The following ADAM11 variants were observed in gnomAD, a reference collection of about 807,000 sequenced individuals.
ADAM11 encodes the protein disintegrin and metalloproteinase domain-containing protein 11.
A neutral mutation model predicts 119.1 loss-of-function variants in ADAM11; 49 were observed. The ratio of observed to expected loss-of-function variants is 0.41; its 90% confidence interval spans 0.33 to 0.52. The LOEUF is 0.52. Among genes scored for constraint, ADAM11 ranks in the 20% least tolerant of loss-of-function variants. ADAM11 has a pLI of 0.20. For synonymous variants in ADAM11, 364 were observed against 408.0 expected, an observed-to-expected ratio of 0.89 and a Z score of 1.30; for missense variants, 777 against 1,047.5, an observed-to-expected ratio of 0.74 and a Z score of 3.56.
At chr17:44,774,457 T>G (rs780933979) in intron 12 of ADAM11, 35 bp from the exon 13 acceptor site, 4 of 1,607,286 alleles carry the variant, frequency 2.5e-6, no homozygotes, top group Non-Finnish European at 2.5e-6. Flanking sequence ...TGTTGGAAGA[T>G]GTAGACATCT....
Position 44,772,183 on chromosome 17 carries a change from G to T in ADAM11, c.544-84G>T. On this transcript the variant is annotated intron_variant, in intron 6 of 26. Transcript: ENST00000200557. The surrounding 1 kb of genome is among the most constrained non-coding windows in gnomAD (Gnocchi z 4.5). Reference sequence around the variant, plus strand: ...CTGGGTCACCCCAGGGTGGGGTGGAGGCGAGGGCTGGATCTGGCCCCCGCC... The same window carrying T: ...CTGGGTCACCCCAGGGTGGGGTGGATGCGAGGGCTGGATCTGGCCCCCGCC... The T allele has an allele frequency of 7.6e-7, 1 of 1,318,538 alleles. No homozygotes were observed. The highest frequency in any genetic ancestry group is 1.3e-5 in the South Asian group (1 of 75,834). 81.7% of individuals were successfully genotyped at this position (1,318,538 alleles called of 1,614,324 possible). A position where few individuals can be genotyped will look rare whatever the true frequency, so the allele number is the denominator to read the frequency against.
In ADAM11 at chr17:44,776,537, CGAGG is replaced by C. The variant is rs1242300751; in HGVS notation, c.1567-199_1567-196del. On this transcript the variant is annotated intron_variant, in intron 18 of 26. Transcript: ENST00000200557. This position sits in a 1 kb window ranked among gnomAD's most constrained non-coding sequence, Gnocchi z 5.2. The stretch of plus-strand genomic sequence containing the variant: ...GCCAGGCATTTATCTCCCAGCCCTA[CGAGG>C]GAGGGAGGCTGGAGCGGCTCTGGGG... 1.3e-5 allele frequency among the ~76,000 whole-genome samples: 2 copies of C among 152,124 alleles called. No homozygotes were observed. The highest frequency in any genetic ancestry group is 2.9e-5 in the Non-Finnish European group (2 of 68,020).
rs758022995 is a variant in ADAM11 at position 44,774,741 on chromosome 17, G to A, written c.1212G>A (p.Glu404=). ...CPDIWLGCIM[E]DTGFYLPRKF... is the part of the protein sequence containing the mutation. ...ACATCTGGCTGGGCTGCATCATGGA[G>A]GACACTGGGTGAGTTCTTGGGGACA... Residue 404 remains glutamate (E), a synonymous_variant, in exon 14 of 27, where the codon GAG becomes GAA. Transcript: ENST00000200557. 4 of 1,592,146 alleles carry A rather than the reference G, an allele frequency of 2.5e-6. No individual in the cohort carries two copies. The African/African-American group carries it at 5.5e-5, about 22-fold the overall frequency.
intron 2 of ADAM11, among the ~76,000 whole-genome samples, chr17:44,768,898 C>T (rs888308334): frequency 1.3e-5 from 2 of 152,182 alleles, no homozygotes; most frequent in African/African-American, 4.8e-5. Context: ...CCTGAGTCCT[C>T]TCAGCCCTTC....
At chr17:44,770,085 A>C in intron 4 of ADAM11, 37 bp downstream of exon 4, 2 of 1,609,120 alleles carry the variant, frequency 1.2e-6, no homozygotes, top group Non-Finnish European at 1.7e-6. Flanking sequence ...CCGGGGATGG[A>C]AGGGAGGTGC....
Position 44,773,341 on chromosome 17 carries a change from G to C in ADAM11, c.906G>C (p.Gln302His), listed in dbSNP as rs2049553253. Reference protein sequence around the residue: ...TWADGDKIQVQDDLLETLARL... With the variant: ...TWADGDKIQVHDDLLETLARL... Reference sequence around the variant, plus strand: ...CAGATGGGGACAAGATCCAGGTGCAGGATGACCTCCTGGAGACCCTGGCCC... The same window carrying C: ...CAGATGGGGACAAGATCCAGGTGCACGATGACCTCCTGGAGACCCTGGCCC... Residue 302 changes from glutamine to histidine, a missense_variant, in exon 11 of 27, where the codon CAG becomes CAC. Gln to His is a conservative substitution (Grantham distance 24, BLOSUM62 0). Coordinates refer to ENST00000200557, the MANE Select transcript of ADAM11 (RefSeq NM_002390.6). This position sits in a 1 kb window ranked among gnomAD's most constrained non-coding sequence, Gnocchi z 4.6. 6.2e-7 allele frequency: 1 copy of C among 1,613,918 alleles called. No homozygotes were observed. Among genetic ancestry groups the C allele is most frequent in the South Asian group, 1.1e-5 (1 of 91,086 alleles).
intron 2 of ADAM11, among the ~76,000 whole-genome samples, chr17:44,762,739 C>T (rs977669956): frequency 2.0e-5 from 3 of 152,022 alleles, no homozygotes; most frequent in Admixed American, 6.6e-5. Flanking sequence ...CCACCTACTA[C>T]CAGGAGGTGG....
chr17:44,768,427 T>C (rs1244757363), intron 2 of ADAM11, among the ~76,000 whole-genome samples: 2 of 152,278 alleles, frequency 1.3e-5, no homozygotes, highest in East Asian at 3.9e-4. Flanking sequence ...TCATGGACAC[T>C]GGGCCCTCTT....
Position 44,773,143 on chromosome 17 carries a change from A to G in ADAM11, c.825+58A>G. ...CCTCATGCCCCCCACCCCACCACAC[A>G]CATTAGGGGGCACTGTCAGCCCCTG... is the stretch of plus-strand genomic sequence containing the variant. On this transcript the variant is annotated intron_variant, in intron 10 of 26. Coordinates refer to ENST00000200557, the MANE Select transcript of ADAM11 (RefSeq NM_002390.6). This position sits in a 1 kb window ranked among gnomAD's most constrained non-coding sequence, Gnocchi z 4.6. The G allele has an allele frequency of 7.5e-7, 1 of 1,336,112 alleles. No homozygotes were observed. The highest frequency in any genetic ancestry group is 4.2e-5 in the East Asian group (1 of 23,630). The allele number at this position is 1,336,112 out of a possible 1,614,324, so 82.8% of individuals were successfully genotyped here.
At position 44,759,853 on chromosome 17, in the gene ADAM11, C is replaced by T; in HGVS notation, c.193C>T (p.Gln65Ter). The T allele has an allele frequency of 1.5e-6, 2 of 1,313,768 alleles. No individual in the cohort carries two copies. The highest frequency in any genetic ancestry group is 2.0e-6 in the Non-Finnish European group (2 of 1,023,174). 81.4% of individuals were successfully genotyped at this position (1,313,768 alleles called of 1,614,324 possible). A position where few individuals can be genotyped will look rare whatever the true frequency, so the allele number is the denominator to read the frequency against. Residue 65 changes from glutamine to a stop codon, truncating the protein, a stop_gained, in exon 2 of 27, where the codon CAG becomes TAG. Coordinates refer to ENST00000200557, the MANE Select transcript of ADAM11 (RefSeq NM_002390.6). LOFTEE classifies it high-confidence loss of function. Reference protein sequence around the residue: ...RESSGGEVRKQQLDTRVRQEP... With the variant: ...RESSGGEVRK ...GAGCTCCGGGGGAGAGGTCCGAAAGCAGCAGCTGGACACAAGGGTCCGCCA... is the reference window on the plus strand; with the variant it reads ...GAGCTCCGGGGGAGAGGTCCGAAAGTAGCAGCTGGACACAAGGGTCCGCCA...
At chr17:44,771,879 G>A (rs759598485) in intron 6 of ADAM11, 48 bp downstream of exon 6, 3 of 1,574,054 alleles carry the variant, frequency 1.9e-6, no homozygotes, top group Admixed American at 3.6e-5. Context: ...GCCCTGCCAA[G>A]CTTGTCCCAA....
intron 2 of ADAM11, among the ~76,000 whole-genome samples, 169 bp from the exon 3 acceptor site, chr17:44,769,549 G>A (rs1054185936): frequency 2.0e-5 from 3 of 152,250 alleles, no homozygotes; most frequent in African/African-American, 7.2e-5. Flanking sequence ...GAGCAGGGTC[G>A]TGGAGGAAGA....
At chr17:44,778,314 AG>A in intron 25 of ADAM11, 72 bp downstream of exon 25, 1 of 1,464,372 alleles carries the variant, frequency 6.8e-7, no homozygotes, top group Non-Finnish European at 9.2e-7. Context: ...GGTGGAGCTG[AG>A]GGGGCCCTCC....
At position 44,775,061 on chromosome 17, in the gene ADAM11, G is replaced by A; in HGVS notation, c.1221-151G>A. ...GGAGGGGATGGGAGCGACAGGGACA[G>A]GCGGGAGGATTCTGGTGCAATCCCG... is the stretch of plus-strand genomic sequence containing the variant. On this transcript the variant is annotated intron_variant, in intron 14 of 26. Coordinates refer to ENST00000200557, the MANE Select transcript of ADAM11 (RefSeq NM_002390.6). The surrounding 1 kb of genome is among the most constrained non-coding windows in gnomAD (Gnocchi z 7.5). 1.3e-6 allele frequency: 1 copy of A among 748,316 alleles called. No individual in the cohort carries two copies. The highest frequency in any genetic ancestry group is 2.2e-6 in the Non-Finnish European group (1 of 453,486). The allele number at this position is 748,316 out of a possible 1,614,324, so 46.4% of individuals were successfully genotyped here.
At chr17:44,759,999 C>G (rs374377272) in intron 2 of ADAM11, 102 bp downstream of exon 2, 3 of 1,145,834 alleles carry the variant, frequency 2.6e-6, no homozygotes, top group Admixed American at 4.2e-5. Flanking sequence ...GCAGCTGCCC[C>G]GCAGGGTCCC....
intron 2 of ADAM11, 50 bp downstream of exon 2, chr17:44,759,947 C>A: frequency 8.0e-7 from 1 of 1,249,970 alleles, no homozygotes; most frequent in Non-Finnish European, 1.0e-6. Flanking sequence ...GCCTCAGAGC[C>A]CCAGGAAGCC....
chr17:44,765,610 CTTTTTTTTTTTT>C (rs748123040), intron 2 of ADAM11, among the ~76,000 whole-genome samples: 1 of 99,876 alleles, frequency 1.0e-5, no homozygotes, highest in Middle Eastern at 8.6e-3. Context: ...TTTCTTTTCT[CTTTTTTTTTTTT>C]TTTTTTTTTT....
Position 44,780,133 on chromosome 17 carries a change from T to A in ADAM11, c.*379T>A. ...TGGCCCCTCCTTGCAACCAGGCAGC[T>A]GAGACCAGGGTCTTACCTCTCTGGG... On this transcript the variant is annotated 3_prime_UTR_variant, in exon 27 of 27. Coordinates refer to ENST00000200557, the MANE Select transcript of ADAM11 (RefSeq NM_002390.6). 1 of 600,452 alleles carries A rather than the reference T, an allele frequency of 1.7e-6. No homozygotes were observed. Among genetic ancestry groups the A allele is most frequent in the Non-Finnish European group, 3.1e-6 (1 of 319,038 alleles). The allele number at this position is 600,452 out of a possible 1,614,324, so 37.2% of individuals were successfully genotyped here.
At chr17:44,779,101 C>T (rs1056264701) in intron 25 of ADAM11, 121 bp from the exon 26 acceptor site, 36 of 1,338,400 alleles carry the variant, frequency 2.7e-5, no homozygotes, top group Middle Eastern at 1.8e-4. Context: ...GTCCAGGCCC[C>T]GGGGACCCCG....
Sources: allele counts gnomAD v4.1 joint callset (sites outside exome capture counted in the v4.1 genomes callset), GRCh38; gene constraint gnomAD v4.1.1; non-coding constraint Gnocchi (gnomAD v3.1); transcripts MANE v1.5; gene names NCBI Gene and HGNC (gene_info 2026-07-23, HGNC 2026-07-21).